The following LEMD3 variants were observed in gnomAD, a reference collection of about 807,000 sequenced individuals.
LEMD3 encodes the protein inner nuclear membrane protein Man1.
LEMD3 carries 33 observed loss-of-function variants against 95.2 expected under a neutral mutation model. The observed-to-expected ratio is 0.35, with a 90% CI of 0.26 to 0.46. The LOEUF is 0.46. Ranked by LOEUF, LEMD3 falls within the 20% of genes least tolerant of loss-of-function variation. LEMD3 has a pLI of 1.00. For synonymous variants in LEMD3, 525 were observed against 474.6 expected (o/e 1.11, Z -1.38); for missense variants, 1,210 against 1,192.8 (o/e 1.01, Z -0.21).
At chr12:65,213,671 A>G (rs1032577003) in intron 2 of LEMD3, among the ~76,000 whole-genome samples, 12 of 152,160 alleles carry the variant, frequency 7.9e-5, no homozygotes, top group Admixed American at 3.3e-4. Flanking sequence ...TGTTACTTCT[A>G]TTTATCTAGT....
At chr12:65,210,085 C>T (rs1309108725) in intron 1 of LEMD3, among the ~76,000 whole-genome samples, 1 of 151,574 alleles carries the variant, frequency 6.6e-6, no homozygotes, top group Non-Finnish European at 1.5e-5. Context: ...AGAGGTGCTA[C>T]ATATTCAGCC....
intron 1 of LEMD3, among the ~76,000 whole-genome samples, chr12:65,205,093 C>A (rs779425753): frequency 6.6e-6 from 1 of 152,006 alleles, no homozygotes; most frequent in East Asian, 1.9e-4. Flanking sequence ...CAAGGTGAGG[C>A]GGCCGGAGAG....
Position 65,170,918 on chromosome 12 carries a change from A to T in LEMD3, c.1322A>T (p.Tyr441Phe). 1 of 1,614,208 alleles carries T rather than the reference A, an allele frequency of 6.2e-7. No homozygotes were observed. The change falls in exon 1 of 13, where the codon TAC becomes TTC. Residue 441 changes from tyrosine (Y) to phenylalanine (F), a missense_variant. By Grantham distance (22) the Tyr-to-Phe change is conservative. Around this residue, in one of 2 missense-constraint regions of LEMD3, gnomAD observed 749 missense variants for 622.9 expected, o/e 1.20. Transcript: ENST00000308330. ...AATCATACCTACCTGAAAAACACAT[A>T]CAACAAACCGAAGCTTTCCGAACCC... Reference protein sequence around the residue: ...GSNHTYLKNTYNKPKLSEPEE... With the variant: ...GSNHTYLKNTFNKPKLSEPEE...
chr12:65,172,937 C>T (rs974580591), intron 1 of LEMD3, among the ~76,000 whole-genome samples: 2 of 152,068 alleles, frequency 1.3e-5, no homozygotes. Context: ...ACCATGTTAG[C>T]AGATCTGGCC....
intron 1 of LEMD3, among the ~76,000 whole-genome samples, chr12:65,198,031 T>C (rs555772964): frequency 1.3e-5 from 2 of 152,294 alleles, no homozygotes; most frequent in Admixed American, 1.3e-4. Context: ...GAAATTTATA[T>C]TTATTGCATT....
At chr12:65,201,466 A>G (rs1351221312) in intron 1 of LEMD3, among the ~76,000 whole-genome samples, 1 of 152,166 alleles carries the variant, frequency 6.6e-6, no homozygotes, top group Non-Finnish European at 1.5e-5. Context: ...TCTTTTTGAT[A>G]TCTTTGATCA....
At chr12:65,216,129 C>T in intron 3 of LEMD3, 86 bp downstream of exon 3, 1 of 870,084 alleles carries the variant, frequency 1.1e-6, no homozygotes, top group Non-Finnish European at 1.9e-6. Flanking sequence ...TTTCCAAGTC[C>T]AGTGTTATAT....
At position 65,232,187 on chromosome 12, in the gene LEMD3, C is replaced by T. The variant is rs191983255; in HGVS notation, c.1696-6315C>T. ...CCAAAATTCTCTATGTTATTTTATC[C>T]ATATTCTGGCATAAATATGGAGGAA... is the stretch of plus-strand genomic sequence containing the variant. On this transcript the variant is annotated intron_variant, in intron 4 of 12. Transcript: ENST00000308330. Among the ~76,000 whole-genome samples the T allele has an allele frequency of 4.4e-3, 666 of 152,148 alleles. 7 individuals are homozygous for T. The highest frequency in any genetic ancestry group is 0.015 in the African/African-American group (636 of 41,524).
intron 9 of LEMD3, 125 bp downstream of exon 9, chr12:65,241,212 G>C: frequency 8.8e-6 from 7 of 792,084 alleles, no homozygotes; most frequent in Non-Finnish European, 1.3e-5. Context: ...CTGTTTCGTA[G>C]AAGGAATCAG....
intron 1 of LEMD3, among the ~76,000 whole-genome samples, chr12:65,196,643 GTC>G (rs1869440624): frequency 6.6e-6 from 1 of 152,042 alleles, no homozygotes; most frequent in African/African-American, 2.4e-5. Context: ...ACCCAATATA[GTC>G]TCTGTCATGA....
At chr12:65,192,149 C>T (rs1043106197) in intron 1 of LEMD3, among the ~76,000 whole-genome samples, 1 of 149,094 alleles carries the variant, frequency 6.7e-6, no homozygotes, top group Admixed American at 6.7e-5. Context: ...ATGAAGAATT[C>T]GGTTTTCTTA....
At chr12:65,193,110 C>G (rs189507556) in intron 1 of LEMD3, among the ~76,000 whole-genome samples, 1 of 152,088 alleles carries the variant, frequency 6.6e-6, no homozygotes, top group African/African-American at 2.4e-5. Context: ...TTACTGTCGG[C>G]GAATTCATAC....
At chr12:65,227,305 G>A (rs1870480780) in intron 4 of LEMD3, among the ~76,000 whole-genome samples, 1 of 152,126 alleles carries the variant, frequency 6.6e-6, no homozygotes, top group Non-Finnish European at 1.5e-5. Context: ...CTTTTTGTTA[G>A]GTAGTTAAAC....
At chr12:65,180,477 A>T (rs1868868604) in intron 1 of LEMD3, among the ~76,000 whole-genome samples, 1 of 151,856 alleles carries the variant, frequency 6.6e-6, no homozygotes, top group East Asian at 1.9e-4. Flanking sequence ...TAATATCATT[A>T]TTTAAAAAAT....
chr12:65,245,991 T>A, intron 12 of LEMD3, 52 bp downstream of exon 12: 2 of 1,401,092 alleles, frequency 1.4e-6, no homozygotes, highest in Non-Finnish European at 1.0e-6. Context: ...ATAGTTTAAT[T>A]TTAAACTATA....
At chr12:65,215,051 A>G (rs1870060819) in intron 2 of LEMD3, among the ~76,000 whole-genome samples, 1 of 152,196 alleles carries the variant, frequency 6.6e-6, no homozygotes, top group Admixed American at 6.5e-5. Context: ...CTCTCCTGCT[A>G]AATTTTCAGA....
At chr12:65,194,710 G>C in intron 1 of LEMD3, among the ~76,000 whole-genome samples, 1 of 147,300 alleles carries the variant, frequency 6.8e-6, no homozygotes, top group South Asian at 2.2e-4. Context: ...TACCTTAGCA[G>C]AATTTGGGCT....
In LEMD3 at chr12:65,169,598, T is replaced by TGGC. The variant is rs759986057; in HGVS notation, c.9_11dup (p.Ala6dup). ...CTTGTAAAACACCCTGGAGAGAAAA[T>TGGC]GGCGGCGGCAGCAGCTTCGGCGCCT... On this transcript the variant is annotated inframe_insertion, in exon 1 of 13. Coordinates refer to ENST00000308330, the MANE Select transcript of LEMD3 (RefSeq NM_014319.5). 32 of 1,587,568 alleles carry TGGC rather than the reference T, an allele frequency of 2.0e-5. No individual in the cohort carries two copies. In the South Asian group the frequency reaches 2.1e-4, roughly 10 times the overall value.
Position 65,241,028 on chromosome 12 carries a change from A to G in LEMD3, c.2246A>G (p.Gln749Arg). The G allele has an allele frequency of 6.2e-7, 1 of 1,614,100 alleles. No homozygotes were observed. Among genetic ancestry groups the G allele is most frequent in the Non-Finnish European group, 8.5e-7 (1 of 1,179,942 alleles). The change falls in exon 9 of 13, where the codon CAG becomes CGG. Residue 749 changes from glutamine (Q) to arginine (R), a missense_variant. Physicochemically the swap from Gln to Arg is conservative, Grantham distance 43. Coordinates refer to ENST00000308330, the MANE Select transcript of LEMD3 (RefSeq NM_014319.5). Reference sequence around the variant, plus strand: ...GATTTTCTGGTTTGGCGGTGGATCCAGCCTTCTGCATCCTGTGACAAAATA... The same window carrying G: ...GATTTTCTGGTTTGGCGGTGGATCCGGCCTTCTGCATCCTGTGACAAAATA... ...GADFLVWRWI[Q>R]PSASCDKILV...
Sources: gnomAD v4.1 joint callset for allele counts (sites outside exome capture counted in the v4.1 genomes callset) on GRCh38, gnomAD v4.1.1 for gene constraint, gnomAD v4.1.1 regional missense constraint, MANE v1.5 for transcripts, NCBI Gene and HGNC (gene_info 2026-07-23, HGNC 2026-07-21) for gene names.